Variants in TMPRSS15 observed in about 807,000 individuals in gnomAD.
The protein encoded by TMPRSS15 is transmembrane serine protease 15, also known as enteropeptidase.
A neutral mutation model predicts 125.3 loss-of-function variants in TMPRSS15; 128 were observed. The observed-to-expected ratio is 1.02, with a 90% CI of 0.89 to 1.18. The LOEUF (loss-of-function observed/expected upper bound fraction) is 1.18, where lower values mean the gene tolerates loss of function less well. Ranked by LOEUF, TMPRSS15 falls within the 50% of genes most tolerant of loss-of-function variation. The pLI is 0.00. For synonymous variants in TMPRSS15, 446 were observed against 423.2 expected (o/e 1.05, Z -0.66); for missense variants, 1,283 against 1,212.7 (o/e 1.06, Z -0.86).
intron 13 of TMPRSS15, among the ~76,000 whole-genome samples, chr21:18,334,185 A>G (rs2075370100): frequency 3.3e-5 from 5 of 152,140 alleles, no homozygotes; most frequent in Non-Finnish European, 7.3e-5. Context: ...CAAAGTTTAT[A>G]TGTAACACAC....
intron 13 of TMPRSS15, among the ~76,000 whole-genome samples, chr21:18,340,577 GCTGA>G (rs1485374476): frequency 7.9e-5 from 12 of 152,208 alleles, no homozygotes; most frequent in Non-Finnish European, 1.0e-4. Flanking sequence ...TCTAGAGAAC[GCTGA>G]CTAATACCGC....
chr21:18,379,769 T>C (rs938054159), intron 4 of TMPRSS15, among the ~76,000 whole-genome samples: 2 of 152,104 alleles, frequency 1.3e-5, no homozygotes, highest in African/African-American at 4.8e-5. Context: ...ACCCTGGGCA[T>C]GTTACTTATT....
At chr21:18,314,053 A>C (rs1199966956) in intron 17 of TMPRSS15, among the ~76,000 whole-genome samples, 1 of 152,210 alleles carries the variant, frequency 6.6e-6, no homozygotes, top group African/African-American at 2.4e-5. Context: ...AGGGAGGAAA[A>C]CATCAGTAAT....
At chr21:18,335,128 A>G (rs775494387) in intron 13 of TMPRSS15, among the ~76,000 whole-genome samples, 4 of 152,172 alleles carry the variant, frequency 2.6e-5, no homozygotes, top group Non-Finnish European at 4.4e-5. Context: ...ATAATTCTAC[A>G]TTGCTATGAA....
chr21:18,279,500 G>A (rs1460834365), intron 22 of TMPRSS15, among the ~76,000 whole-genome samples: 1 of 147,626 alleles, frequency 6.8e-6, no homozygotes, highest in Non-Finnish European at 1.5e-5. Flanking sequence ...TAATTTTTTT[G>A]TATTTTTTTT....
At position 18,372,225 on chromosome 21, in the gene TMPRSS15, G is replaced by A; in HGVS notation, c.632C>T (p.Pro211Leu). ...DLFCDGEVNC[P>L]DGSDEDNKMC... is the part of the protein sequence containing the mutation. ...TTTATTGTCTTCGTCAGAACCATCT[G>A]GACAGTTTACTTCTCCATCACAAAA... The change falls in exon 6 of 25, where the codon CCA becomes CTA. Residue 211 changes from proline (P) to leucine (L), a missense_variant. Physicochemically the swap from Pro to Leu is moderately conservative, Grantham distance 98 (BLOSUM62 -3). Coordinates refer to ENST00000284885, the MANE Select transcript of TMPRSS15 (RefSeq NM_002772.3). 6.2e-7 allele frequency: 1 copy of A among 1,609,876 alleles called. No homozygotes were observed. Among genetic ancestry groups the A allele is most frequent in the Non-Finnish European group, 8.5e-7 (1 of 1,177,666 alleles).
At chr21:18,428,784 A>G (rs927482542) in intron 1 of TMPRSS15, among the ~76,000 whole-genome samples, 1 of 152,114 alleles carries the variant, frequency 6.6e-6, no homozygotes, top group Non-Finnish European at 1.5e-5. Flanking sequence ...CTCATGGAGA[A>G]CCTCTGCTAG....
At position 18,269,771 on chromosome 21, in the gene TMPRSS15, A is replaced by AGTT; in HGVS notation, c.*195_*197dup. On this transcript the variant is annotated 3_prime_UTR_variant, in exon 25 of 25. Transcript: ENST00000284885. ...ACAAATGTATTTAATGGTATTTTAA[A>AGTT]GTTATTCTGTATTGCTATGGTGAAT... The AGTT allele has an allele frequency of 3.6e-6, 2 of 558,268 alleles. No individual in the cohort carries two copies. Among genetic ancestry groups the AGTT allele is most frequent in the Non-Finnish European group, 6.3e-6 (2 of 317,120 alleles). 34.6% of individuals were successfully genotyped at this position (558,268 alleles called of 1,614,324 possible).
Position 18,345,740 on chromosome 21 carries a change from C to CAA in TMPRSS15, c.1172-1682_1172-1681dup, listed in dbSNP as rs1235619873. 2.2e-3 allele frequency among the ~76,000 whole-genome samples: 34 copies of CAA among 15,550 alleles called. 3 individuals are homozygous for CAA. The highest frequency in any genetic ancestry group is 0.016 in the South Asian group (2 of 124). 10.2% of individuals were successfully genotyped at this position (15,550 alleles called of 152,430 possible). On this transcript the variant is annotated intron_variant, in intron 10 of 24. Coordinates refer to ENST00000284885, the MANE Select transcript of TMPRSS15 (RefSeq NM_002772.3). ...TAGGCGACAGAGTGAGACTCCGTCT[C>CAA]AAAAAAAAAAAAAAAAAAAAAATCC...
chr21:18,310,867 A>G lies in TMPRSS15; in HGVS notation c.2165+2078T>C, dbSNP rs537370173. ...CTGGCATAAAAATGGACAACAGACC[A>G]ATGGAACAGAATAGAGAACAAGATA... On this transcript the variant is annotated intron_variant, in intron 18 of 24. Coordinates refer to ENST00000284885, the MANE Select transcript of TMPRSS15 (RefSeq NM_002772.3). 3.3e-5 allele frequency among the ~76,000 whole-genome samples: 5 copies of G among 151,722 alleles called. No individual in the cohort carries two copies. In the South Asian group the frequency reaches 1.0e-3, roughly 32 times the overall value.
chr21:18,278,443 G>T (rs1199515231), intron 23 of TMPRSS15, among the ~76,000 whole-genome samples: 1 of 152,040 alleles, frequency 6.6e-6, no homozygotes, highest in South Asian at 2.1e-4. Context: ...ATATAGGCTG[G>T]GCGCGGTGGC....
chr21:18,464,512 C>T (rs2122954649), intron 1 of TMPRSS15, among the ~76,000 whole-genome samples: 12 of 151,868 alleles, frequency 7.9e-5, no homozygotes, highest in African/African-American at 2.9e-4. Context: ...AGATAGACTG[C>T]TAGTCAGATT....
At chr21:18,292,919 C>CTT (rs2074855921) in intron 21 of TMPRSS15, among the ~76,000 whole-genome samples, 1 of 152,092 alleles carries the variant, frequency 6.6e-6, no homozygotes, top group African/African-American at 2.4e-5. Context: ...AGAGGGTGCA[C>CTT]TTTAGTTAAG....
At chr21:18,356,991 A>G (rs1015814678) in intron 8 of TMPRSS15, among the ~76,000 whole-genome samples, 2 of 151,800 alleles carry the variant, frequency 1.3e-5, no homozygotes, top group Non-Finnish European at 2.9e-5. Context: ...TTGAGATATA[A>G]AGAATGGCAT....
At chr21:18,422,528 T>G (rs2076194477) in intron 1 of TMPRSS15, among the ~76,000 whole-genome samples, 1 of 152,242 alleles carries the variant, frequency 6.6e-6, no homozygotes, top group Admixed American at 6.5e-5. Flanking sequence ...TCATTGACTA[T>G]GTACTATGTG....
At chr21:18,322,160 CA>C (rs1306098824) in intron 16 of TMPRSS15, among the ~76,000 whole-genome samples, 1 of 152,040 alleles carries the variant, frequency 6.6e-6, no homozygotes, top group Non-Finnish European at 1.5e-5. Context: ...TATTGTTTTT[CA>C]AAATCTTTGA....
intron 5 of TMPRSS15, among the ~76,000 whole-genome samples, chr21:18,375,964 G>A (rs2075837616): frequency 6.6e-6 from 1 of 152,136 alleles, no homozygotes; most frequent in South Asian, 2.1e-4. Flanking sequence ...TGAAACCATG[G>A]TTTGGAAATC....
chr21:18,401,464 C>A (rs1426920801), intron 1 of TMPRSS15, among the ~76,000 whole-genome samples: 2 of 152,102 alleles, frequency 1.3e-5, no homozygotes, highest in Non-Finnish European at 2.9e-5. Flanking sequence ...TTATACTAAG[C>A]AAATTAATGC....
chr21:18,374,244 C>A (rs1472920250), intron 5 of TMPRSS15, among the ~76,000 whole-genome samples: 1 of 151,232 alleles, frequency 6.6e-6, no homozygotes, highest in African/African-American at 2.4e-5. Flanking sequence ...GAGGCCGAGG[C>A]GGGTGGATCA....
Sources: allele counts gnomAD v4.1 joint callset (sites outside exome capture counted in the v4.1 genomes callset), GRCh38; gene constraint gnomAD v4.1.1; transcripts MANE v1.5; gene names NCBI Gene and HGNC (gene_info 2026-07-23, HGNC 2026-07-21).